The following PTPRT variants were observed in gnomAD, a reference collection of about 807,000 sequenced individuals.
PTPRT encodes the protein receptor-type tyrosine-protein phosphatase T.
In PTPRT, 56 loss-of-function variants were observed where a neutral mutation model predicts 176.8. The observed-to-expected ratio is 0.32, with a 90% CI of 0.26 to 0.40. PTPRT has a LOEUF of 0.40. PTPRT is among the 10% of genes least tolerant of loss of function. PTPRT has a pLI of 1.00. For synonymous variants in PTPRT, 783 were observed against 739.0 expected, an observed-to-expected ratio of 1.06 and a Z score of -0.96; for missense variants, 1,540 against 1,908.2, an observed-to-expected ratio of 0.81 and a Z score of 3.60.
intron 16 of PTPRT, among the ~76,000 whole-genome samples, chr20:42,166,090 C>A (rs1989812735): frequency 2.0e-5 from 3 of 152,230 alleles, no homozygotes; most frequent in Admixed American, 1.3e-4. Flanking sequence ...TCAATTCAGA[C>A]TGGCCATATT....
intron 13 of PTPRT, among the ~76,000 whole-genome samples, chr20:42,258,253 C>T (rs751035439): frequency 2.0e-5 from 3 of 152,124 alleles, no homozygotes; most frequent in South Asian, 2.1e-4. Context: ...CTCATGCCCT[C>T]GCACCCACGT....
intron 1 of PTPRT, among the ~76,000 whole-genome samples, chr20:42,964,027 G>A (rs1048701342): frequency 1.3e-5 from 2 of 152,080 alleles, no homozygotes; most frequent in Admixed American, 1.3e-4. Context: ...CCTAACCTGT[G>A]TGCTGTCAAA....
intron 9 of PTPRT, among the ~76,000 whole-genome samples, chr20:42,414,121 T>G (rs937452061): frequency 5.9e-5 from 9 of 152,180 alleles, no homozygotes; most frequent in African/African-American, 1.4e-4. Context: ...TATGAGCCAC[T>G]GTGCCCGGCC....
intron 9 of PTPRT, among the ~76,000 whole-genome samples, chr20:42,384,580 T>TA (rs1438771380): frequency 2.6e-5 from 4 of 152,228 alleles, no homozygotes; most frequent in Non-Finnish European, 5.9e-5. Context: ...GGAATGCAGA[T>TA]ATCTCTTTGA....
intron 2 of PTPRT, among the ~76,000 whole-genome samples, chr20:42,851,766 G>A (rs1331245711): frequency 1.3e-5 from 2 of 152,166 alleles, no homozygotes; most frequent in African/African-American, 4.8e-5. Context: ...GTAAATGAAT[G>A]GGTGTGGCTA....
At chr20:42,657,841 G>A (rs960442537) in intron 7 of PTPRT, among the ~76,000 whole-genome samples, 1 of 151,398 alleles carries the variant, frequency 6.6e-6, no homozygotes, top group Non-Finnish European at 1.5e-5. Flanking sequence ...ATTTTCCTCT[G>A]TACTGGCTGT....
chr20:42,518,662 C>T (rs751139317), intron 7 of PTPRT, among the ~76,000 whole-genome samples: 12 of 151,900 alleles, frequency 7.9e-5, no homozygotes, highest in Non-Finnish European at 1.8e-4. Context: ...TGTGTATTGT[C>T]TTTCTTCCTT....
intron 6 of PTPRT, among the ~76,000 whole-genome samples, chr20:42,679,754 G>T (rs2075570783): frequency 6.6e-6 from 1 of 151,116 alleles, no homozygotes; most frequent in Non-Finnish European, 1.5e-5. Flanking sequence ...TATCATCATT[G>T]TCTTTAATAT....
chr20:42,670,895 G>T (rs1426855312), intron 7 of PTPRT, among the ~76,000 whole-genome samples: 1 of 152,180 alleles, frequency 6.6e-6, no homozygotes, highest in Non-Finnish European at 1.5e-5. Flanking sequence ...AGTGGCTGAA[G>T]ACCTGTTTTT....
Position 43,189,786 on chromosome 20 carries a change from T to G in PTPRT, c.-53A>C. The G allele has an allele frequency of 1.0e-6, 1 of 999,250 alleles. No individual in the cohort carries two copies. The highest frequency in any genetic ancestry group is 1.2e-6 in the Non-Finnish European group (1 of 822,068). 61.9% of individuals were successfully genotyped at this position (999,250 alleles called of 1,614,324 possible). ...TTCCCGCGGGGGCCGGGGCCGGGAC[T>G]GGGGCGGGCGCGGGGTGGCCCCGCA... On this transcript the variant is annotated 5_prime_UTR_variant, in exon 1 of 31. Transcript: ENST00000373187. The surrounding 1 kb of genome is among the most constrained non-coding windows in gnomAD (Gnocchi z 5.0).
At position 43,048,890 on chromosome 20, in the gene PTPRT, C is replaced by A. The variant is rs980656600; in HGVS notation, c.88+140756G>T. Among the ~76,000 whole-genome samples, 6 of 152,156 alleles carry A rather than the reference C, an allele frequency of 3.9e-5. No individual in the cohort carries two copies. In the East Asian group the frequency reaches 1.2e-3, roughly 29 times the overall value. On this transcript the variant is annotated intron_variant, in intron 1 of 30. Transcript: ENST00000373187. ...CCTGCAAGTGACCCTCACGAAGACA[C>A]CTGCTCGCCTCTGCCCAGCCACCCT...
chr20:43,183,185 G>A (rs1201553696), intron 1 of PTPRT, among the ~76,000 whole-genome samples: 2 of 152,202 alleles, frequency 1.3e-5, no homozygotes, highest in Non-Finnish European at 2.9e-5. Context: ...CTACTTCATA[G>A]ATTTAATTCA....
At chr20:42,205,609 G>T (rs543862400) in intron 15 of PTPRT, among the ~76,000 whole-genome samples, 3 of 152,208 alleles carry the variant, frequency 2.0e-5, no homozygotes, top group African/African-American at 7.2e-5. Flanking sequence ...GCCAACTGGT[G>T]GGGGCAGGAG....
At chr20:43,168,262 A>C (rs1457229168) in intron 1 of PTPRT, among the ~76,000 whole-genome samples, 2 of 152,242 alleles carry the variant, frequency 1.3e-5, no homozygotes, top group Non-Finnish European at 2.9e-5. Context: ...CAATTGCCAC[A>C]TCTTCCCCTT....
At chr20:42,411,558 A>G (rs1264662048) in intron 9 of PTPRT, among the ~76,000 whole-genome samples, 1 of 151,566 alleles carries the variant, frequency 6.6e-6, no homozygotes, top group African/African-American at 2.4e-5. Flanking sequence ...GAAAAGATCA[A>G]TAAAACTGAC....
chr20:42,586,436 C>G (rs2073472272), intron 7 of PTPRT, among the ~76,000 whole-genome samples: 1 of 152,118 alleles, frequency 6.6e-6, no homozygotes. Flanking sequence ...CATTTCTACC[C>G]CTGCTGTGGG....
chr20:42,034,465 A>G, the PTPRT span, among the ~76,000 whole-genome samples: 3 of 152,144 alleles, frequency 2.0e-5, no homozygotes, highest in South Asian at 2.1e-4. Flanking sequence ...TCACAGCCCA[A>G]TGGACACTCA....
chr20:42,740,321 T>C (rs993466044), intron 6 of PTPRT, among the ~76,000 whole-genome samples: 3 of 152,160 alleles, frequency 2.0e-5, no homozygotes, highest in African/African-American at 7.2e-5. Flanking sequence ...GACAGCTCCA[T>C]GCCAGAGCAT....
At chr20:42,070,899 G>C (rs1357246120), downstream of PTPRT, among the ~76,000 whole-genome samples, 1 of 152,116 alleles carries the variant, frequency 6.6e-6, no homozygotes, top group African/African-American at 2.4e-5. Flanking sequence ...AGTTATGTGA[G>C]ATTTTTTTCC....
Sources: gnomAD v4.1 joint callset for allele counts (sites outside exome capture counted in the v4.1 genomes callset) on GRCh38, gnomAD v4.1.1 for gene constraint, Gnocchi (gnomAD v3.1) non-coding constraint, MANE v1.5 for transcripts, NCBI Gene and HGNC (gene_info 2026-07-23, HGNC 2026-07-21) for gene names.